KIZ: variants seen among roughly 807,000 people sequenced by gnomAD.
KIZ encodes the protein centrosomal protein kizuna.
In KIZ, 68 loss-of-function variants were observed where a neutral mutation model predicts 79.6. The observed-to-expected ratio is 0.85, with a 90% CI of 0.70 to 1.05. The LOEUF is 1.05. KIZ is among the 50% of genes least tolerant of loss of function. The pLI, the probability that KIZ is intolerant of heterozygous loss-of-function variation, is 0.00. For synonymous variants in KIZ, 280 were observed against 281.8 expected (o/e 0.99, Z 0.06); for missense variants, 797 against 800.4 (o/e 1.00, Z 0.05).
intron 6 of KIZ, among the ~76,000 whole-genome samples, chr20:21,179,431 C>T (rs1384016286): frequency 6.6e-6 from 1 of 151,542 alleles, no homozygotes; most frequent in African/African-American, 2.4e-5. Flanking sequence ...AGTGTTTCCT[C>T]TTTCATTTCT....
At chr20:21,198,037 T>A (rs564695239) in intron 6 of KIZ, 8 of 152,330 alleles carry the variant, frequency 5.3e-5, no homozygotes, top group Admixed American at 2.0e-4. Context: ...GATCACAAAG[T>A]TGCAATCCTC....
At chr20:21,169,231 T>A (rs939218995) in intron 6 of KIZ, among the ~76,000 whole-genome samples, 1 of 151,332 alleles carries the variant, frequency 6.6e-6, no homozygotes, top group Admixed American at 6.6e-5. Flanking sequence ...TCCAACAAAT[T>A]TACAAGAAAA....
At chr20:21,221,947 C>G (rs1029549634) in intron 9 of KIZ, among the ~76,000 whole-genome samples, 4 of 152,052 alleles carry the variant, frequency 2.6e-5, no homozygotes, top group Non-Finnish European at 5.9e-5. Context: ...TGACAAGACT[C>G]AGTCAAGACA....
chr20:21,244,469 C>G, intron 12 of KIZ, 181 bp downstream of exon 12: 1 of 607,576 alleles, frequency 1.6e-6, no homozygotes, highest in East Asian at 2.8e-5. Flanking sequence ...TCTTCACAGA[C>G]AGGACCACAC....
rs1197703789 is a variant in KIZ, at chr20:21,131,187, T to G, written c.90-910T>G. Among the ~76,000 whole-genome samples, 3 of 152,198 alleles carry G rather than the reference T, an allele frequency of 2.0e-5. No homozygotes were observed. In the East Asian group the frequency reaches 5.8e-4, roughly 29 times the overall value. Reference sequence around the variant, plus strand: ...AGTTTTATCCCCCAGCCCCCTGGTTTTGGCTGCCTCTGCTTCCTCTGCTGC... The same window carrying G: ...AGTTTTATCCCCCAGCCCCCTGGTTGTGGCTGCCTCTGCTTCCTCTGCTGC... On this transcript the variant is annotated intron_variant, in intron 1 of 12. Transcript: ENST00000619189.
At chr20:21,237,015 AT>A (rs1315455024) in intron 11 of KIZ, among the ~76,000 whole-genome samples, 7 of 148,590 alleles carry the variant, frequency 4.7e-5, no homozygotes, top group African/African-American at 1.5e-4. Context: ...AAAAAAAAAA[AT>A]GATGGCTGGG....
At chr20:21,237,176 C>A (rs947052618) in intron 11 of KIZ, among the ~76,000 whole-genome samples, 2 of 151,592 alleles carry the variant, frequency 1.3e-5, no homozygotes, top group Non-Finnish European at 2.9e-5. Context: ...GTGGCAGGCG[C>A]CTATAATCCC....
intron 6 of KIZ, among the ~76,000 whole-genome samples, chr20:21,180,394 C>T (rs1334619383): frequency 2.6e-5 from 4 of 151,930 alleles, no homozygotes; most frequent in Non-Finnish European, 5.9e-5. Context: ...TGCCCTACCC[C>T]CACTCTCTTG....
At chr20:21,236,002 A>AT (rs2036994647) in intron 11 of KIZ, among the ~76,000 whole-genome samples, 1 of 152,254 alleles carries the variant, frequency 6.6e-6, no homozygotes, top group South Asian at 2.1e-4. Flanking sequence ...GTTCTTATAT[A>AT]AAAGCACTCT....
intron 6 of KIZ, among the ~76,000 whole-genome samples, chr20:21,182,800 CAAA>C (rs763359536): frequency 2.8e-4 from 23 of 82,638 alleles, no homozygotes; most frequent in Non-Finnish European, 1.9e-4. Context: ...GTCCCCCCAC[CAAA>C]AAAAAAAAAA....
At chr20:21,164,738 G>T (rs2033850848) in intron 6 of KIZ, among the ~76,000 whole-genome samples, 1 of 151,684 alleles carries the variant, frequency 6.6e-6, no homozygotes, top group Non-Finnish European at 1.5e-5. Flanking sequence ...TGATCTTGGA[G>T]GCATAAAGTC....
intron 1 of KIZ, among the ~76,000 whole-genome samples, chr20:21,131,604 G>A (rs983142278): frequency 2.6e-5 from 4 of 152,098 alleles, no homozygotes; most frequent in Admixed American, 6.6e-5. Flanking sequence ...GTCTGGCCAC[G>A]TTACATTTTA....
chr20:21,211,642 T>C (rs1327886615), intron 7 of KIZ, among the ~76,000 whole-genome samples: 1 of 152,226 alleles, frequency 6.6e-6, no homozygotes, highest in Non-Finnish European at 1.5e-5. Flanking sequence ...TAAAGCAACC[T>C]GTTAACTGTT....
At chr20:21,206,255 G>A (rs1004973079) in intron 7 of KIZ, among the ~76,000 whole-genome samples, 4 of 152,306 alleles carry the variant, frequency 2.6e-5, no homozygotes, top group East Asian at 1.9e-4. Flanking sequence ...GCCCAGATCC[G>A]TTGGAGGGAA....
At chr20:21,231,828 A>C (rs1317647660) in intron 10 of KIZ, among the ~76,000 whole-genome samples, 1 of 152,134 alleles carries the variant, frequency 6.6e-6, no homozygotes. Context: ...TGCATGTTTC[A>C]CTTACTTCTG....
rs118150578 is a variant in KIZ at position 21,236,955 on chromosome 20, G to A, written c.1880+4125G>A. ...GCAGAACTTGCAGTGAGCTGAAATT[G>A]CACCAATGCACTCATCTGGGCAATG... On this transcript the variant is annotated intron_variant, in intron 11 of 12. Coordinates refer to ENST00000619189, the MANE Select transcript of KIZ (RefSeq NM_018474.6). 1.2e-4 allele frequency among the ~76,000 whole-genome samples: 18 copies of A among 148,332 alleles called. No homozygotes were observed. The East Asian group carries it at 3.6e-3, about 30-fold the overall frequency.
Position 21,154,943 on chromosome 20 carries a change from G to A in KIZ, c.406-6928G>A, listed in dbSNP as rs1233535592. 2.6e-5 allele frequency among the ~76,000 whole-genome samples: 4 copies of A among 152,218 alleles called. No homozygotes were observed. In the East Asian group the frequency reaches 7.7e-4, roughly 29 times the overall value. On this transcript the variant is annotated intron_variant, in intron 4 of 12. Transcript: ENST00000619189. Reference sequence around the variant, plus strand: ...GAAACTCAGCTTACATTTCACTGGAGCCAGTATTTTACGTTGCAAGTGTGG... The same window carrying A: ...GAAACTCAGCTTACATTTCACTGGAACCAGTATTTTACGTTGCAAGTGTGG...
intron 9 of KIZ, among the ~76,000 whole-genome samples, chr20:21,228,243 T>C (rs1350656022): frequency 6.6e-6 from 1 of 152,196 alleles, no homozygotes; most frequent in African/African-American, 2.4e-5. Flanking sequence ...GAAACTCTGA[T>C]TCTTCATCCT....
At chr20:21,202,059 T>C (rs1169264985) in intron 6 of KIZ, among the ~76,000 whole-genome samples, 1 of 152,208 alleles carries the variant, frequency 6.6e-6, no homozygotes, top group Non-Finnish European at 1.5e-5. Flanking sequence ...TTGTGGGAAA[T>C]AAATATAATA....
Sources: gnomAD v4.1 joint callset for allele counts (sites outside exome capture counted in the v4.1 genomes callset) on GRCh38, gnomAD v4.1.1 for gene constraint, MANE v1.5 for transcripts, NCBI Gene and HGNC (gene_info 2026-07-23, HGNC 2026-07-21) for gene names.